MAD1L1: variants seen among roughly 807,000 people sequenced by gnomAD.
MAD1L1 encodes the protein mitotic spindle assembly checkpoint protein MAD1.
MAD1L1 carries 95 observed loss-of-function variants against 96.9 expected under a neutral mutation model. That is an observed-to-expected ratio of 0.98 (90% confidence interval 0.83 to 1.16). The LOEUF is 1.16. Ranked by LOEUF, MAD1L1 falls within the 50% of genes most tolerant of loss-of-function variation. The probability of loss-of-function intolerance (pLI) is 0.00; values close to 1 mark genes in which losing one functional copy is unlikely to be tolerated. For synonymous variants in MAD1L1, 473 were observed against 396.6 expected (o/e 1.19, Z -2.29); for missense variants, 1,007 against 954.4 (o/e 1.06, Z -0.73).
intron 11 of MAD1L1, among the ~76,000 whole-genome samples, chr7:2,122,125 G>A (rs1554381430): frequency 6.6e-6 from 1 of 152,240 alleles, no homozygotes; most frequent in Non-Finnish European, 1.5e-5. Flanking sequence ...ACTGTCTCAT[G>A]TCATCCACAG....
At chr7:2,073,774 G>A (rs1785248174) in intron 11 of MAD1L1, among the ~76,000 whole-genome samples, 1 of 152,236 alleles carries the variant, frequency 6.6e-6, no homozygotes, top group Non-Finnish European at 1.5e-5. Flanking sequence ...AGGTTGTGAA[G>A]CAAACCTCTC....
chr7:2,111,131 C>G (rs1195999033), intron 11 of MAD1L1, among the ~76,000 whole-genome samples: 1 of 152,206 alleles, frequency 6.6e-6, no homozygotes, highest in Non-Finnish European at 1.5e-5. Context: ...ACAAGAGGAA[C>G]AAAGAAGAAA....
chr7:1,898,017 G>A, intron 18 of MAD1L1, 183 bp downstream of exon 18: 1 of 663,178 alleles, frequency 1.5e-6, no homozygotes, highest in East Asian at 2.7e-5. Flanking sequence ...CATAGGGTTG[G>A]CCCAAGGCTG....
In MAD1L1 at chr7:2,210,256, C is replaced by A. The variant is rs185975514; in HGVS notation, c.986+2956G>T. On this transcript the variant is annotated intron_variant, in intron 10 of 18. Transcript: ENST00000265854. ...CACCGCTAATTTTTGTTTTGGTACA[C>A]ACGGGGTCTCAACTGCGTTCCCCAG... Among the ~76,000 whole-genome samples, 131 of 152,264 alleles carry A rather than the reference C, an allele frequency of 8.6e-4. 4 individuals carry two copies. In the South Asian group the frequency reaches 0.023, roughly 27 times the overall value.
chr7:2,054,395 A>G (rs1426051308), intron 12 of MAD1L1, among the ~76,000 whole-genome samples: 2 of 151,990 alleles, frequency 1.3e-5, no homozygotes, highest in African/African-American at 4.8e-5. Context: ...AGACGGGTAA[A>G]ATGCATTGTT....
intron 10 of MAD1L1, among the ~76,000 whole-genome samples, chr7:2,172,815 G>A (rs953814363): frequency 6.6e-6 from 1 of 152,230 alleles, no homozygotes; most frequent in Non-Finnish European, 1.5e-5. Context: ...TGGAGCCCCA[G>A]ATGGGCTCCC....
chr7:2,042,213 A>G (rs1462478621), intron 12 of MAD1L1, among the ~76,000 whole-genome samples: 1 of 130,574 alleles, frequency 7.7e-6, no homozygotes, highest in East Asian at 2.1e-4. Context: ...AGACACGCAC[A>G]CAGACGTGCA....
At chr7:1,906,731 T>C (rs776534289) in intron 17 of MAD1L1, among the ~76,000 whole-genome samples, 3 of 152,190 alleles carry the variant, frequency 2.0e-5, no homozygotes, top group Non-Finnish European at 2.9e-5. Flanking sequence ...ACCCGGAACA[T>C]GGAAGTGCGC....
chr7:2,119,381 G>T lies in MAD1L1; in HGVS notation c.1073+29771C>A, dbSNP rs148638284. On this transcript the variant is annotated intron_variant, in intron 11 of 18. Coordinates refer to ENST00000265854, the MANE Select transcript of MAD1L1 (RefSeq NM_001013836.2). This position sits in a 1 kb window ranked among gnomAD's most constrained non-coding sequence, Gnocchi z 4.6. ...GACAGTGGCCCACATGGTTTAGGAC[G>T]GGGTGAGAGTCCTCCATCTCCCACC... 6.6e-6 allele frequency among the ~76,000 whole-genome samples: 1 copy of T among 152,152 alleles called. No individual in the cohort carries two copies. Among genetic ancestry groups the T allele is most frequent in the African/African-American group, 2.4e-5 (1 of 41,422 alleles).
intron 18 of MAD1L1, among the ~76,000 whole-genome samples, chr7:1,826,145 A>G (rs1369413774): frequency 1.3e-5 from 2 of 152,252 alleles, no homozygotes; most frequent in South Asian, 2.1e-4. Context: ...GACTCCTGGC[A>G]GCCTCACAAC....
Position 2,220,012 on chromosome 7 carries a change from G to A in MAD1L1, c.472-556C>T, listed in dbSNP as rs145799926. On this transcript the variant is annotated intron_variant, in intron 5 of 18. Transcript: ENST00000265854. The stretch of plus-strand genomic sequence containing the variant: ...AGTCCCATCAGACATCCACATACCC[G>A]CCACACCATCACTTCGGTCTTCCCT... Among the ~76,000 whole-genome samples the A allele has an allele frequency of 3.9e-3, 599 of 152,242 alleles. 11 individuals carry two copies. The highest frequency in any genetic ancestry group is 0.025 in the Admixed American group (382 of 15,296).
At chr7:1,890,373 GGTT>G (rs1232721226) in intron 18 of MAD1L1, among the ~76,000 whole-genome samples, 1 of 152,190 alleles carries the variant, frequency 6.6e-6, no homozygotes, top group Non-Finnish European at 1.5e-5. Context: ...CATGAGAGCT[GGTT>G]GTTAGAAGGA....
At chr7:1,895,609 C>A (rs34296663) in intron 18 of MAD1L1, among the ~76,000 whole-genome samples, 1 of 152,208 alleles carries the variant, frequency 6.6e-6, no homozygotes, top group Non-Finnish European at 1.5e-5. Flanking sequence ...TTCCCTGACA[C>A]TGTCCACCTG....
chr7:2,029,533 GTATGTCTGT>G (rs561548377), intron 12 of MAD1L1, among the ~76,000 whole-genome samples: 1 of 152,176 alleles, frequency 6.6e-6, no homozygotes, highest in South Asian at 2.1e-4. Flanking sequence ...AGCACTTTCT[GTATGTCTGT>G]TATGCTCTAA....
chr7:1,936,787 C>T lies in MAD1L1; in HGVS notation c.1707G>A (p.Glu569=), dbSNP rs1449167576. The T allele has an allele frequency of 6.3e-7, 1 of 1,583,050 alleles. No individual in the cohort carries two copies. The highest frequency in any genetic ancestry group is 8.6e-7 in the Non-Finnish European group (1 of 1,165,650). ...EDHSQLQAEC[E]RLRGLLRAME... Reference sequence around the variant, plus strand: ...TGGCGCGCAGGAGCCCGCGCAGTCGCTCGCACTCCGCCTGCAGCTGGCTGT... The same window carrying T: ...TGGCGCGCAGGAGCCCGCGCAGTCGTTCGCACTCCGCCTGCAGCTGGCTGT... Residue 569 remains glutamate, a synonymous_variant, in exon 17 of 19, where the codon GAG becomes GAA. Transcript: ENST00000265854.
intron 18 of MAD1L1, among the ~76,000 whole-genome samples, chr7:1,870,831 A>ATG (rs1390021071): frequency 2.9e-5 from 2 of 67,972 alleles, no homozygotes; most frequent in Non-Finnish European, 5.6e-5. Context: ...CGACCATAAC[A>ATG]CCTGCCACGC....
chr7:2,043,737 C>T (rs1783796216), intron 12 of MAD1L1, among the ~76,000 whole-genome samples: 1 of 152,226 alleles, frequency 6.6e-6, no homozygotes, highest in South Asian at 2.1e-4. Flanking sequence ...GGGGCAGCAC[C>T]ACCCCAGGCC....
intron 18 of MAD1L1, among the ~76,000 whole-genome samples, chr7:1,818,048 C>A (rs544347809): frequency 6.6e-6 from 1 of 152,092 alleles, no homozygotes; most frequent in East Asian, 1.9e-4. Flanking sequence ...CAACACAAAC[C>A]ATTTTTAAAC....
chr7:1,946,911 T>C (rs1296398650), intron 16 of MAD1L1, among the ~76,000 whole-genome samples: 2 of 152,212 alleles, frequency 1.3e-5, no homozygotes, highest in African/African-American at 4.8e-5. Flanking sequence ...CCCGTTTCTC[T>C]CTGTGTTCAG....
Sources: gnomAD v4.1 joint callset for allele counts (sites outside exome capture counted in the v4.1 genomes callset) on GRCh38, gnomAD v4.1.1 for gene constraint, Gnocchi (gnomAD v3.1) non-coding constraint, MANE v1.5 for transcripts, NCBI Gene and HGNC (gene_info 2026-07-23, HGNC 2026-07-21) for gene names.